ZNG1B: variants seen among roughly 807,000 people sequenced by gnomAD.
ZNG1B encodes the protein Zn regulated GTPase metalloprotein activator 1B.
At chr2:113,446,875 G>A in the ZNG1B span, among the ~76,000 whole-genome samples, 1 of 151,860 alleles carries the variant, frequency 6.6e-6, no homozygotes, top group South Asian at 2.1e-4. Flanking sequence ...AGTGCTACTT[G>A]GTAGTATGTT....
the ZNG1B span, chr2:113,453,279 T>C: frequency 6.3e-7 from 1 of 1,578,152 alleles, no homozygotes; most frequent in Non-Finnish European, 8.6e-7. Context: ...AGTCTCACTT[T>C]GTTGCCCAGA....
chr2:113,473,277 G>A, the ZNG1B span, among the ~76,000 whole-genome samples: 4 of 147,698 alleles, frequency 2.7e-5, no homozygotes. Context: ...TCATGATTTG[G>A]CTCTCTGTTT....
At chr2:113,485,072 T>C in the ZNG1B span, among the ~76,000 whole-genome samples, 1 of 145,378 alleles carries the variant, frequency 6.9e-6, no homozygotes, top group Non-Finnish European at 1.5e-5. Flanking sequence ...ATATCCAAAA[T>C]TGTAAAGAGT....
At chr2:113,445,052 C>T in the ZNG1B span, 3 of 1,609,044 alleles carry the variant, frequency 1.9e-6, no homozygotes, top group Admixed American at 3.3e-5. Context: ...ATTGGCAGAC[C>T]CAGGTAAGAA....
the ZNG1B span, chr2:113,468,719 G>T: frequency 6.6e-6 from 1 of 150,986 alleles, no homozygotes; most frequent in African/African-American, 2.4e-5. Context: ...TTTTCTAGTC[G>T]TATGCCTTGA....
the ZNG1B span, among the ~76,000 whole-genome samples, chr2:113,453,607 T>G: frequency 1.9e-4 from 29 of 151,834 alleles, no homozygotes; most frequent in African/African-American, 7.0e-4. Flanking sequence ...TTCATTCATA[T>G]TATAACTTTA....
chr2:113,485,076 A>G, the ZNG1B span, among the ~76,000 whole-genome samples: 3 of 145,552 alleles, frequency 2.1e-5, no homozygotes, highest in Non-Finnish European at 4.5e-5. Flanking sequence ...CCAAAATTGT[A>G]AAGAGTTCCT....
chr2:113,487,971 C>G, the ZNG1B span, among the ~76,000 whole-genome samples: 1 of 152,018 alleles, frequency 6.6e-6, no homozygotes, highest in Admixed American at 6.6e-5. Flanking sequence ...TTTGGGCGTT[C>G]TAGAGCCCAA....
chr2:113,444,647 A>G, the ZNG1B span, among the ~76,000 whole-genome samples: 3 of 151,992 alleles, frequency 2.0e-5, 1 homozygote, highest in Middle Eastern at 3.4e-3. Context: ...TTTTATCATT[A>G]TTTTGTATGT....
At chr2:113,470,692 T>A in the ZNG1B span, 167 of 302,092 alleles carry the variant, frequency 5.5e-4, 2 homozygotes, top group East Asian at 0.013. Flanking sequence ...ACCTATTTGT[T>A]AATTCTATTT....
the ZNG1B span, chr2:113,439,187 T>A: frequency 1.5e-6 from 2 of 1,293,368 alleles, no homozygotes; most frequent in South Asian, 1.4e-5. Flanking sequence ...GCAACCTTGT[T>A]GCTGAATCTA....
the ZNG1B span, among the ~76,000 whole-genome samples, chr2:113,440,297 T>TA: frequency 1.3e-5 from 2 of 152,018 alleles, no homozygotes; most frequent in South Asian, 2.1e-4. Flanking sequence ...AGCTATGTCT[T>TA]AAAGTGTTTT....
the ZNG1B span, among the ~76,000 whole-genome samples, chr2:113,451,907 G>GA: frequency 1.3e-5 from 2 of 151,870 alleles, no homozygotes; most frequent in Non-Finnish European, 1.5e-5. Context: ...TTTACTGAGT[G>GA]AAAAAATTCA....
chr2:113,484,561 T>G, the ZNG1B span, among the ~76,000 whole-genome samples: 1 of 152,264 alleles, frequency 6.6e-6, no homozygotes, highest in Non-Finnish European at 1.5e-5. Flanking sequence ...TGTTTGTTTG[T>G]TTTGGTTTTG....
the ZNG1B span, chr2:113,441,805 T>G: frequency 5.1e-6 from 1 of 196,660 alleles, no homozygotes; most frequent in African/African-American, 2.4e-5. Flanking sequence ...AGTGGTGCAA[T>G]CTCAGCTCAC....
the ZNG1B span, among the ~76,000 whole-genome samples, chr2:113,467,082 A>AC: frequency 1.3e-5 from 2 of 150,324 alleles, no homozygotes; most frequent in African/African-American, 4.9e-5. Flanking sequence ...AAAAAAACAA[A>AC]CAAAAAAACC....
At chr2:113,443,030 A>G in the ZNG1B span, among the ~76,000 whole-genome samples, 3 of 150,030 alleles carry the variant, frequency 2.0e-5, no homozygotes, top group Admixed American at 6.6e-5. Context: ...GTGCAGTGGC[A>G]CAGTCTCGGG....
the ZNG1B span, among the ~76,000 whole-genome samples, chr2:113,467,129 A>G: frequency 6.6e-6 from 1 of 151,572 alleles, no homozygotes; most frequent in African/African-American, 2.4e-5. Flanking sequence ...AGTCACTCTT[A>G]CAGAAGTTTT....
the ZNG1B span, among the ~76,000 whole-genome samples, chr2:113,456,369 T>A: frequency 6.6e-6 from 1 of 151,846 alleles, no homozygotes; most frequent in Non-Finnish European, 1.5e-5. Flanking sequence ...GAATGTTTAT[T>A]ATAGGCATGT....
Sources: gnomAD v4.1 joint callset for allele counts (sites outside exome capture counted in the v4.1 genomes callset) on GRCh38, gnomAD v4.1.1 for gene constraint, MANE v1.5 for transcripts, NCBI Gene and HGNC (gene_info 2026-07-23, HGNC 2026-07-21) for gene names.